The following CCDC8 variants were observed in gnomAD, a reference collection of about 807,000 sequenced individuals.
CCDC8 encodes coiled-coil domain-containing protein 8.
Under a neutral mutation model 5.2 loss-of-function variants are expected in CCDC8, and 6 were observed. The observed-to-expected ratio is 1.16, with a 90% CI of 0.63 to 2.28. CCDC8 has a LOEUF of 2.28. Ranked by LOEUF, CCDC8 falls within the 30% of genes most tolerant of loss-of-function variation. CCDC8 has a pLI of 0.00. For missense variants in CCDC8, 724 were observed against 712.2 expected (o/e 1.02, Z -0.19); for synonymous variants, 310 against 286.5 (o/e 1.08, Z -0.83).
In CCDC8 at chr19:46,412,295, G is replaced by A. The variant is rs1249316819; in HGVS notation, c.516C>T (p.Arg172=). 1 of 1,607,976 alleles carries A rather than the reference G, an allele frequency of 6.2e-7. No homozygotes were observed. The highest frequency in any genetic ancestry group is 1.3e-5 in the African/African-American group (1 of 74,934). Residue 172 remains arginine (R), a synonymous_variant, in exon 1 of 1, where the codon CGC becomes CGT. Coordinates refer to ENST00000307522, the MANE Select transcript of CCDC8 (RefSeq NM_032040.5). This position sits in a 1 kb window ranked among gnomAD's most constrained non-coding sequence, Gnocchi z 4.7. ...KQPSAPPARR[R]VNLPVPMFED... ...CAAACATGGGCACTGGCAGGTTGAC[G>A]CGGCGGCGGGCAGGCGGCGCGCTGG...
At position 46,412,111 on chromosome 19, in the gene CCDC8, C is replaced by T. The variant is rs746510633; in HGVS notation, c.700G>A (p.Ala234Thr). 3.1e-6 allele frequency: 5 copies of T among 1,599,250 alleles called. No individual in the cohort carries two copies. Among genetic ancestry groups the T allele is most frequent in the Non-Finnish European group, 3.4e-6 (4 of 1,179,950 alleles). ...CCCTCTGGCGCCGATGATACCCCTG[C>T]GCTCTCCACTGCGGTGGAGGCCAGC... ...ARLASTAVES[A>T]GVSSAPEGTS... Residue 234 changes from alanine to threonine, a missense_variant, in exon 1 of 1, where the codon GCA (alanine) becomes ACA (threonine). By Grantham distance (58) the Ala-to-Thr change is moderately conservative (BLOSUM62 0). Coordinates refer to ENST00000307522, the MANE Select transcript of CCDC8 (RefSeq NM_032040.5). The surrounding 1 kb of genome is among the most constrained non-coding windows in gnomAD (Gnocchi z 4.7).
In CCDC8 at chr19:46,412,888, C is replaced by T; in HGVS notation, c.-78G>A. 6.4e-7 allele frequency: 1 copy of T among 1,556,962 alleles called. No homozygotes were observed. Among genetic ancestry groups the T allele is most frequent in the Non-Finnish European group, 8.8e-7 (1 of 1,142,522 alleles). On this transcript the variant is annotated 5_prime_UTR_variant, in exon 1 of 1. It adds an upstream start codon to the 5' untranslated region. Coordinates refer to ENST00000307522, the MANE Select transcript of CCDC8 (RefSeq NM_032040.5). This position sits in a 1 kb window ranked among gnomAD's most constrained non-coding sequence, Gnocchi z 4.7. The stretch of plus-strand genomic sequence containing the variant: ...GTCCCCACGGGCTTTAGGGCTTCCA[C>T]GAGGACGTCCAAATCCACATCTTTG...
chr19:46,412,454 C>T lies in CCDC8; in HGVS notation c.357G>A (p.Gln119=), dbSNP rs776736042. The T allele has an allele frequency of 1.2e-6, 2 of 1,611,408 alleles. No homozygotes were observed. Among genetic ancestry groups the T allele is most frequent in the Non-Finnish European group, 1.7e-6 (2 of 1,179,990 alleles). Reference sequence around the variant, plus strand: ...GCACCTTCTTGCCCCGCCGCGGGCCCTGGCGGCTCTTGTCTCTGGAGGTCT... The same window carrying T: ...GCACCTTCTTGCCCCGCCGCGGGCCTTGGCGGCTCTTGTCTCTGGAGGTCT... ...DFETSRDKSR[Q]GPRRGKKVRK... Residue 119 remains glutamine (Q), a synonymous_variant, in exon 1 of 1, where the codon CAG becomes CAA. Transcript: ENST00000307522. This position sits in a 1 kb window ranked among gnomAD's most constrained non-coding sequence, Gnocchi z 4.7.
rs1206837697 is a variant in CCDC8 at position 46,411,943 on chromosome 19, C to G, written c.868G>C (p.Asp290His). The G allele has an allele frequency of 6.2e-7, 1 of 1,610,846 alleles. No individual in the cohort carries two copies. The highest frequency in any genetic ancestry group is 1.3e-5 in the African/African-American group (1 of 75,002). ...EQTAPTGQGA[D>H]IEADQGGEAA... ...TCTCCCCCCTGATCAGCCTCGATGT[C>G]TGCCCCCTGACCTGTGGGTGCTGTC... Residue 290 changes from aspartate (D) to histidine (H), a missense_variant, in exon 1 of 1, where the codon GAC becomes CAC. Transcript: ENST00000307522.
In CCDC8 at chr19:46,412,502, G is replaced by A. The variant is rs1383575753; in HGVS notation, c.309C>T (p.Ser103=). The A allele has an allele frequency of 5.0e-6, 8 of 1,607,874 alleles. No homozygotes were observed. The highest frequency in any genetic ancestry group is 5.1e-6 in the Non-Finnish European group (6 of 1,179,950). Residue 103 remains serine, a synonymous_variant, in exon 1 of 1, where the codon AGC becomes AGT. Coordinates refer to ENST00000307522, the MANE Select transcript of CCDC8 (RefSeq NM_032040.5). This position sits in a 1 kb window ranked among gnomAD's most constrained non-coding sequence, Gnocchi z 4.7. ...TCTCGAAGTCGCTGAACTCGCTGTCGCTGGCGTTGCTGCTGTCGTACGTGC... is the reference window on the plus strand; with the variant it reads ...TCTCGAAGTCGCTGAACTCGCTGTCACTGGCGTTGCTGCTGTCGTACGTGC... The part of the protein sequence containing the change: ...VVGTYDSSNA[S]DSEFSDFETS...
At position 46,411,071 on chromosome 19, in the gene CCDC8, A is replaced by C; in HGVS notation, c.*123T>G. 1 of 1,191,764 alleles carries C rather than the reference A, an allele frequency of 8.4e-7. No homozygotes were observed. The highest frequency in any genetic ancestry group is 1.2e-6 in the Non-Finnish European group (1 of 837,824). 73.8% of individuals were successfully genotyped at this position (1,191,764 alleles called of 1,614,324 possible). A position where few individuals can be genotyped will look rare whatever the true frequency, so the allele number is the denominator to read the frequency against. On this transcript the variant is annotated 3_prime_UTR_variant, in exon 1 of 1. Coordinates refer to ENST00000307522, the MANE Select transcript of CCDC8 (RefSeq NM_032040.5). ...GCATGAACAAAACTTTAACAAGAGA[A>C]TAAAGAGGGTTGTTAGGTGGAGACG... is the stretch of plus-strand genomic sequence containing the variant.
rs748724079 is a variant in CCDC8 at position 46,412,219 on chromosome 19, C to T, written c.592G>A (p.Val198Ile). The change falls in exon 1 of 1, where the codon GTC becomes ATC. Residue 198 changes from valine (V) to isoleucine (I), a missense_variant. Physicochemically the swap from Val to Ile is conservative, Grantham distance 29. Transcript: ENST00000307522. This position sits in a 1 kb window ranked among gnomAD's most constrained non-coding sequence, Gnocchi z 4.7. ...AGCTTCCCCCAGGACACCTGGCTGA[C>T]ATACTCCCGCCACCTGTCCGCTTTG... is the stretch of plus-strand genomic sequence containing the variant. ...LSKADRWREY[V>I]SQVSWGKLKR... 1.9e-6 allele frequency: 3 copies of T among 1,599,888 alleles called. No individual in the cohort carries two copies. Among genetic ancestry groups the T allele is most frequent in the Admixed American group, 3.3e-5 (2 of 60,002 alleles).
rs1023321353 is a variant in CCDC8, at chr19:46,413,170, T to C, written c.-360A>G. ...GGACGAGCCAAACGCCTCCAATCTC[T>C]TCGCCTGCAACAAGTACAGTCTTGA... On this transcript the variant is annotated 5_prime_UTR_variant, in exon 1 of 1. Coordinates refer to ENST00000307522, the MANE Select transcript of CCDC8 (RefSeq NM_032040.5). The C allele has an allele frequency of 2.4e-5, 8 of 334,472 alleles. 1 individual carries two copies. Among genetic ancestry groups the C allele is most frequent in the African/African-American group, 1.7e-4 (8 of 46,956 alleles). The allele number at this position is 334,472 out of a possible 1,614,324, so 20.7% of individuals were successfully genotyped here. A position where few individuals can be genotyped will look rare whatever the true frequency, so the allele number is the denominator to read the frequency against.
rs940915936 is a variant in CCDC8 at position 46,411,017 on chromosome 19, G to A, written c.*177C>T. On this transcript the variant is annotated 3_prime_UTR_variant, in exon 1 of 1. Coordinates refer to ENST00000307522, the MANE Select transcript of CCDC8 (RefSeq NM_032040.5). The stretch of plus-strand genomic sequence containing the variant: ...AGCCTGGGCAACAGAGTGAGACCCT[G>A]TCTCTAAAAAATTTAAAAAAAAATC... 6.8e-6 allele frequency: 5 copies of A among 733,060 alleles called. No homozygotes were observed. The South Asian group carries it at 9.3e-5, about 14-fold the overall frequency. 45.4% of individuals were successfully genotyped at this position (733,060 alleles called of 1,614,324 possible).
chr19:46,412,375 T>C lies in CCDC8; in HGVS notation c.436A>G (p.Ser146Gly). ...TCGACCAGTTCCTCATCATCCTCAC[T>C]CTCCAGGTCGCTTCCCAGGAACTTG... ...GSKFLGSDLESEDDEELVEAF... is the reference protein window; with the variant it reads ...GSKFLGSDLEGEDDEELVEAF... The change falls in exon 1 of 1, where the codon AGT becomes GGT. Residue 146 changes from serine to glycine, a missense_variant. Coordinates refer to ENST00000307522, the MANE Select transcript of CCDC8 (RefSeq NM_032040.5). This position sits in a 1 kb window ranked among gnomAD's most constrained non-coding sequence, Gnocchi z 4.7. 6.2e-7 allele frequency: 1 copy of C among 1,613,658 alleles called. No individual in the cohort carries two copies. The highest frequency in any genetic ancestry group is 8.5e-7 in the Non-Finnish European group (1 of 1,179,970).
In CCDC8 at chr19:46,412,040, C is replaced by T. The variant is rs1253942324; in HGVS notation, c.771G>A (p.Val257=). 6.2e-7 allele frequency: 1 copy of T among 1,601,956 alleles called. No individual in the cohort carries two copies. The highest frequency in any genetic ancestry group is 2.2e-5 in the East Asian group (1 of 44,872). The change falls in exon 1 of 1, where the codon GTG becomes GTA. Residue 257 remains valine (V), a synonymous_variant. Coordinates refer to ENST00000307522, the MANE Select transcript of CCDC8 (RefSeq NM_032040.5). This position sits in a 1 kb window ranked among gnomAD's most constrained non-coding sequence, Gnocchi z 4.7. ...TCCATCGCCTAGGGGAAGCCTGGGGCACACAAACATCTCCCGCGTTTCCCA... is the reference window on the plus strand; with the variant it reads ...TCCATCGCCTAGGGGAAGCCTGGGGTACACAAACATCTCCCGCGTTTCCCA... The part of the protein sequence containing the change: ...DRLGNAGDVC[V]PQASPRRWRP...
rs1436583071 is a variant in CCDC8 at position 46,412,017 on chromosome 19, C to G, written c.794G>C (p.Trp265Ser). The G allele has an allele frequency of 6.2e-7, 1 of 1,604,206 alleles. No individual in the cohort carries two copies. Among genetic ancestry groups the G allele is most frequent in the Non-Finnish European group, 8.5e-7 (1 of 1,179,976 alleles). The change falls in exon 1 of 1, where the codon TGG becomes TCG. Residue 265 changes from tryptophan to serine, a missense_variant. Coordinates refer to ENST00000307522, the MANE Select transcript of CCDC8 (RefSeq NM_032040.5). The surrounding 1 kb of genome is among the most constrained non-coding windows in gnomAD (Gnocchi z 4.7). ...VCVPQASPRR[W>S]RPKINWASFR... is the part of the protein sequence containing the mutation. Reference sequence around the variant, plus strand: ...GGAGGCCCAGTTGATCTTGGGCCTCCATCGCCTAGGGGAAGCCTGGGGCAC... The same window carrying G: ...GGAGGCCCAGTTGATCTTGGGCCTCGATCGCCTAGGGGAAGCCTGGGGCAC...
Position 46,412,621 on chromosome 19 carries a change from G to A in CCDC8, c.190C>T (p.Pro64Ser). The A allele has an allele frequency of 1.9e-6, 3 of 1,602,176 alleles. No individual in the cohort carries two copies. The highest frequency in any genetic ancestry group is 2.2e-5 in the South Asian group (2 of 90,464). The change falls in exon 1 of 1, where the codon CCG becomes TCG. Residue 64 changes from proline to serine, a missense_variant. Physicochemically the swap from Pro to Ser is moderately conservative, Grantham distance 74. Transcript: ENST00000307522. This position sits in a 1 kb window ranked among gnomAD's most constrained non-coding sequence, Gnocchi z 4.7. ...TTTTTGGGGGGCTGGGGCGGGTGCG[G>A]GGTGCTCTTCTCCATGATGCGGGCC... is the stretch of plus-strand genomic sequence containing the variant. Reference protein sequence around the residue: ...DVARIMEKSTPHPPQPPKKPK... With the variant: ...DVARIMEKSTSHPPQPPKKPK...
rs767920503 is a variant in CCDC8, at chr19:46,411,375, C to T, written c.1436G>A (p.Arg479Lys). ...CGAAAAGCGTCCAGGGGTCTGGAAC[C>T]TCACTGTCTTGACCTGTTTCCGGGC... ...ARARKQVKTV[R>K]FQTPGRFSWF... Residue 479 changes from arginine (R) to lysine (K), a missense_variant, in exon 1 of 1, where the codon AGG (arginine) becomes AAG (lysine). Coordinates refer to ENST00000307522, the MANE Select transcript of CCDC8 (RefSeq NM_032040.5). The T allele has an allele frequency of 9.9e-6, 16 of 1,614,110 alleles. No homozygotes were observed. The highest frequency in any genetic ancestry group is 3.3e-4 in the Middle Eastern group (2 of 6,084).
Position 46,412,020 on chromosome 19 carries a change from C to G in CCDC8, c.791G>C (p.Arg264Pro), listed in dbSNP as rs148822867. The part of the protein sequence containing the change: ...DVCVPQASPR[R>P]WRPKINWASF... ...GGCCCAGTTGATCTTGGGCCTCCATCGCCTAGGGGAAGCCTGGGGCACACA... is the reference window on the plus strand; with the variant it reads ...GGCCCAGTTGATCTTGGGCCTCCATGGCCTAGGGGAAGCCTGGGGCACACA... Residue 264 changes from arginine (R) to proline (P), a missense_variant, in exon 1 of 1, where the codon CGA becomes CCA. Coordinates refer to ENST00000307522, the MANE Select transcript of CCDC8 (RefSeq NM_032040.5). The surrounding 1 kb of genome is among the most constrained non-coding windows in gnomAD (Gnocchi z 4.7). 2 of 1,603,866 alleles carry G rather than the reference C, an allele frequency of 1.2e-6. No homozygotes were observed. Among genetic ancestry groups the G allele is most frequent in the African/African-American group, 2.7e-5 (2 of 74,946 alleles).
rs368909087 is a variant in CCDC8 at position 46,411,242 on chromosome 19, G to C, written c.1569C>G (p.Ala523=). Reference sequence around the variant, plus strand: ...CCTGCTCAGCTTCTGCTCTGGCCTCGGCCCTCAGCACCCTGAGGTTCCTGG... The same window carrying C: ...CCTGCTCAGCTTCTGCTCTGGCCTCCGCCCTCAGCACCCTGAGGTTCCTGG... The part of the protein sequence containing the change: ...GEARNLRVLR[A]EARAEAEQGE... Residue 523 remains alanine, a synonymous_variant, in exon 1 of 1, where the codon GCC becomes GCG. Coordinates refer to ENST00000307522, the MANE Select transcript of CCDC8 (RefSeq NM_032040.5). The C allele has an allele frequency of 6.2e-7, 1 of 1,614,006 alleles. No individual in the cohort carries two copies. Among genetic ancestry groups the C allele is most frequent in the Non-Finnish European group, 8.5e-7 (1 of 1,179,994 alleles).
At position 46,412,098 on chromosome 19, in the gene CCDC8, G is replaced by T. The variant is rs749133236; in HGVS notation, c.713C>A (p.Ser238Ter). 6.3e-7 allele frequency: 1 copy of T among 1,599,476 alleles called. No homozygotes were observed. The highest frequency in any genetic ancestry group is 8.5e-7 in the Non-Finnish European group (1 of 1,179,952). The change falls in exon 1 of 1, where the codon TCG becomes TAG. Residue 238 changes from serine (S) to a stop codon, truncating the protein, a stop_gained. Transcript: ENST00000307522. LOFTEE classifies it low-confidence loss of function (END_TRUNC). This position sits in a 1 kb window ranked among gnomAD's most constrained non-coding sequence, Gnocchi z 4.7. The stretch of plus-strand genomic sequence containing the variant: ...CCCCGGGCTGGTGCCCTCTGGCGCC[G>T]ATGATACCCCTGCGCTCTCCACTGC... ...STAVESAGVS[S>*]APEGTSPGDR...
chr19:46,412,138 G>A lies in CCDC8; in HGVS notation c.673C>T (p.Arg225Trp), dbSNP rs1450940306. The A allele has an allele frequency of 1.3e-6, 2 of 1,598,548 alleles. No homozygotes were observed. Among genetic ancestry groups the A allele is most frequent in the South Asian group, 2.2e-5 (2 of 91,054 alleles). Residue 225 changes from arginine to tryptophan, a missense_variant, in exon 1 of 1, where the codon CGG (arginine) becomes TGG (tryptophan). Transcript: ENST00000307522. This position sits in a 1 kb window ranked among gnomAD's most constrained non-coding sequence, Gnocchi z 4.7. ...PRAGPGVGEA[R>W]LASTAVESAG... is the part of the protein sequence containing the mutation. ...CTCTCCACTGCGGTGGAGGCCAGCC[G>A]GGCCTCGCCCACCCCGGGGCCCGCC...
At position 46,411,124 on chromosome 19, in the gene CCDC8, G is replaced by A. The variant is rs79078806; in HGVS notation, c.*70C>T. 2.2e-5 allele frequency: 35 copies of A among 1,587,560 alleles called. No individual in the cohort carries two copies. The East Asian group carries it at 7.6e-4, about 34-fold the overall frequency. On this transcript the variant is annotated 3_prime_UTR_variant, in exon 1 of 1. Transcript: ENST00000307522. The stretch of plus-strand genomic sequence containing the variant: ...GCCAGCACTCCACCTCCACTTTGAA[G>A]TTCAGAGGCAGAGCATCTCTCCCTC...
Sources: gnomAD v4.1 joint callset for allele counts on GRCh38, gnomAD v4.1.1 for gene constraint, Gnocchi (gnomAD v3.1) non-coding constraint, MANE v1.5 for transcripts, NCBI Gene and HGNC (gene_info 2026-07-23, HGNC 2026-07-21) for gene names.